LRRC37A2: variants seen among roughly 807,000 people sequenced by gnomAD.
LRRC37A2 encodes leucine rich repeat containing 37 member A2.
Under a neutral mutation model 68.8 loss-of-function variants are expected in LRRC37A2, and 9 were observed. The observed-to-expected ratio is 0.13, with a 90% CI of 0.08 to 0.23. The LOEUF is 0.23. LRRC37A2 is among the 10% of genes least tolerant of loss of function. The probability of loss-of-function intolerance (pLI) is 1.00; values close to 1 mark genes in which losing one functional copy is unlikely to be tolerated. For synonymous variants in LRRC37A2, 63 were observed against 367.6 expected (o/e 0.17, Z 9.48); for missense variants, 168 against 950.4 (o/e 0.18, Z 10.82).
At chr17:46,887,200 T>C in the LRRC37A2 span, among the ~76,000 whole-genome samples, 1 of 152,208 alleles carries the variant, frequency 6.6e-6, no homozygotes, top group Non-Finnish European at 1.5e-5. Context: ...TTTGGAAGTA[T>C]AGCATTGCTC....
At chr17:46,837,937 T>G in the LRRC37A2 span, among the ~76,000 whole-genome samples, 57 of 152,150 alleles carry the variant, frequency 3.7e-4, no homozygotes, top group Non-Finnish European at 7.5e-4. Flanking sequence ...TCTTTCTAAA[T>G]CACTCAGAGG....
At chr17:46,851,881 C>T in the LRRC37A2 span, among the ~76,000 whole-genome samples, 1 of 152,200 alleles carries the variant, frequency 6.6e-6, no homozygotes, top group Non-Finnish European at 1.5e-5. This position sits in a 1 kb window ranked among gnomAD's most constrained non-coding sequence, Gnocchi z 4.3. Context: ...GGAGTTCGCG[C>T]CCTGAGTTCG....
the LRRC37A2 span, among the ~76,000 whole-genome samples, chr17:46,815,612 GC>G: frequency 1.3e-5 from 2 of 152,048 alleles, no homozygotes; most frequent in East Asian, 3.9e-4. Flanking sequence ...CTACCCTACA[GC>G]CCCAGCCCTA....
chr17:46,750,939 A>C, the LRRC37A2 span, among the ~76,000 whole-genome samples: 6 of 152,214 alleles, frequency 3.9e-5, no homozygotes, highest in East Asian at 1.2e-3. Flanking sequence ...AGTCATTTTT[A>C]AAAAAGAACG....
chr17:47,028,167 T>A, the LRRC37A2 span: 1 of 762,436 alleles, frequency 1.3e-6, no homozygotes. Context: ...CCTTAGTGCA[T>A]AGAGAAAGGA....
the LRRC37A2 span, among the ~76,000 whole-genome samples, chr17:46,833,834 G>A: frequency 1.3e-5 from 2 of 152,032 alleles, no homozygotes; most frequent in Non-Finnish European, 2.9e-5. Flanking sequence ...AACTTCCTTC[G>A]CCTCTTTTTC....
chr17:46,970,960 A>G, the LRRC37A2 span, among the ~76,000 whole-genome samples: 1 of 152,206 alleles, frequency 6.6e-6, no homozygotes, highest in Non-Finnish European at 1.5e-5. Flanking sequence ...ATGCCAAAGG[A>G]TTAATAGTGA....
At chr17:46,935,415 C>G in the LRRC37A2 span, 1 of 1,426,500 alleles carries the variant, frequency 7.0e-7, no homozygotes, top group Non-Finnish European at 9.1e-7. Context: ...AGGTCTTTTC[C>G]CATTTACTGA....
the LRRC37A2 span, among the ~76,000 whole-genome samples, chr17:46,979,437 G>A: frequency 6.6e-6 from 1 of 152,312 alleles, no homozygotes; most frequent in East Asian, 1.9e-4. Context: ...TCCGCGGGCC[G>A]GCGAAACTCC....
chr17:47,038,600 C>A, the LRRC37A2 span, among the ~76,000 whole-genome samples: 1 of 142,612 alleles, frequency 7.0e-6, no homozygotes, highest in African/African-American at 2.5e-5. Flanking sequence ...CTCTCACCCC[C>A]TCCTTTATAC....
At chr17:46,733,401 T>C in the LRRC37A2 span, among the ~76,000 whole-genome samples, 1 of 152,136 alleles carries the variant, frequency 6.6e-6, no homozygotes, top group African/African-American at 2.4e-5. Context: ...CTCCTTGGGC[T>C]GTAAAATGAC....
chr17:46,720,266 G>A, the LRRC37A2 span, among the ~76,000 whole-genome samples: 1 of 152,224 alleles, frequency 6.6e-6, no homozygotes, highest in Non-Finnish European at 1.5e-5. Context: ...TATGGCTGGG[G>A]AGGTGGGCAT....
the LRRC37A2 span, among the ~76,000 whole-genome samples, chr17:46,767,124 G>C: frequency 6.6e-6 from 1 of 152,174 alleles, no homozygotes; most frequent in South Asian, 2.1e-4. Flanking sequence ...CTTCCACCCC[G>C]GGGGTCCAGG....
chr17:46,534,803 G>A (rs1341319018), intron 6 of LRRC37A2, among the ~76,000 whole-genome samples: 1 of 147,806 alleles, frequency 6.8e-6, no homozygotes, highest in Non-Finnish European at 1.5e-5. Context: ...CCTCCCGGAG[G>A]GGGCGGCTGG....
At chr17:46,938,066 G>C in the LRRC37A2 span, 1 of 191,984 alleles carries the variant, frequency 5.2e-6, no homozygotes, top group African/African-American at 2.4e-5. Flanking sequence ...TCTTCACTAC[G>C]TGCCCAGGCT....
At chr17:46,727,686 A>T in the LRRC37A2 span, among the ~76,000 whole-genome samples, 1 of 152,018 alleles carries the variant, frequency 6.6e-6, no homozygotes, top group South Asian at 2.1e-4. Flanking sequence ...AGTTTATGGG[A>T]TGATTTCTTT....
At chr17:47,034,803 A>G in the LRRC37A2 span, among the ~76,000 whole-genome samples, 13 of 151,746 alleles carry the variant, frequency 8.6e-5, no homozygotes, top group East Asian at 1.9e-4. Context: ...AGAGCCCACC[A>G]GTGGTCTTAC....
At chr17:46,860,722 G>A in the LRRC37A2 span, among the ~76,000 whole-genome samples, 1 of 152,190 alleles carries the variant, frequency 6.6e-6, no homozygotes, top group Non-Finnish European at 1.5e-5. Flanking sequence ...CTCTGTGCCT[G>A]TATCCCAGCC....
chr17:46,989,166 C>A, the LRRC37A2 span, among the ~76,000 whole-genome samples: 1 of 152,182 alleles, frequency 6.6e-6, no homozygotes, highest in African/African-American at 2.4e-5. Context: ...GCATGCTAGT[C>A]AGATGCCTTT....
Sources: gnomAD v4.1 joint callset for allele counts (sites outside exome capture counted in the v4.1 genomes callset) on GRCh38, gnomAD v4.1.1 for gene constraint, Gnocchi (gnomAD v3.1) non-coding constraint, MANE v1.5 for transcripts, NCBI Gene and HGNC (gene_info 2026-07-23, HGNC 2026-07-21) for gene names.